Variants in CNTLN observed in about 807,000 individuals in gnomAD.
CNTLN encodes centlein.
A neutral mutation model predicts 180.0 loss-of-function variants in CNTLN; 212 were observed. That is an observed-to-expected ratio of 1.18 (90% CI 1.05 to 1.32). The LOEUF (loss-of-function observed/expected upper bound fraction) is 1.32. Ranked by LOEUF, CNTLN falls within the 40% of genes most tolerant of loss-of-function variation. The pLI is 0.00. For missense variants in CNTLN, 2,095 were observed against 1,610.9 expected, an observed-to-expected ratio of 1.30 and a Z score of -5.14; for synonymous variants, 722 against 563.1, an observed-to-expected ratio of 1.28 and a Z score of -3.99.
chr9:17,237,811 C>T (rs1039104336), intron 5 of CNTLN, among the ~76,000 whole-genome samples: 3 of 151,814 alleles, frequency 2.0e-5, no homozygotes, highest in African/African-American at 7.3e-5. Flanking sequence ...ACATCTTTCT[C>T]GGTGTATAAA....
At chr9:17,205,005 A>G (rs1822816537) in intron 2 of CNTLN, among the ~76,000 whole-genome samples, 1 of 152,154 alleles carries the variant, frequency 6.6e-6, no homozygotes, top group East Asian at 1.9e-4. Flanking sequence ...ACAGCCTAGG[A>G]AAGCCTCATT....
chr9:17,491,305 A>G (rs1385290416), intron 25 of CNTLN, among the ~76,000 whole-genome samples: 1 of 152,128 alleles, frequency 6.6e-6, no homozygotes. Context: ...AATAAAAGAG[A>G]TAAAAATTCA....
rs377136282 is a variant in CNTLN, at chr9:17,280,412, AT to A, written c.983+6555del. Among the ~76,000 whole-genome samples the A allele has an allele frequency of 2.3e-3, 349 of 151,206 alleles. 1 individual carries two copies. The highest frequency in any genetic ancestry group is 7.9e-3 in the African/African-American group (325 of 41,190). On this transcript the variant is annotated intron_variant, in intron 6 of 25. Coordinates refer to ENST00000380647, the MANE Select transcript of CNTLN (RefSeq NM_017738.4). ...ATTATGGATTTAAAGCTATGATGGC[AT>A]TTTTTTTTCTTTGTATCAATCCTTT...
intron 5 of CNTLN, among the ~76,000 whole-genome samples, chr9:17,261,070 G>C (rs1668427295): frequency 6.6e-6 from 1 of 151,320 alleles, no homozygotes; most frequent in South Asian, 2.1e-4. Flanking sequence ...TGCTATTTTG[G>C]TTACTGTAGC....
At chr9:17,354,216 C>T (rs1356602894) in intron 12 of CNTLN, among the ~76,000 whole-genome samples, 1 of 152,192 alleles carries the variant, frequency 6.6e-6, no homozygotes, top group African/African-American at 2.4e-5. Context: ...CTGAGCCTCC[C>T]ACCCACTCCA....
In CNTLN at chr9:17,475,820, C is replaced by G. The variant is rs372758651; in HGVS notation, c.3856-8475C>G. 4.3e-4 allele frequency among the ~76,000 whole-genome samples: 65 copies of G among 150,082 alleles called. No individual in the cohort carries two copies. In the East Asian group the frequency reaches 7.9e-3, roughly 18 times the overall value. ...CCCGGGAGGTGGAGCTTGCAGTGAG[C>G]CAAGATCGCGCCACTGCACTCCAGC... is the stretch of plus-strand genomic sequence containing the variant. On this transcript the variant is annotated intron_variant, in intron 23 of 25. Coordinates refer to ENST00000380647, the MANE Select transcript of CNTLN (RefSeq NM_017738.4).
chr9:17,197,429 A>C (rs1424178047), intron 2 of CNTLN, among the ~76,000 whole-genome samples: 1 of 152,024 alleles, frequency 6.6e-6, no homozygotes, highest in Non-Finnish European at 1.5e-5. Flanking sequence ...ATTATACTTT[A>C]AGTTCTAGGG....
intron 7 of CNTLN, among the ~76,000 whole-genome samples, chr9:17,302,849 A>G (rs1818466215): frequency 6.6e-6 from 1 of 152,248 alleles, no homozygotes; most frequent in South Asian, 2.1e-4. Flanking sequence ...AGTTATAAAG[A>G]CAGAATGTAA....
intron 24 of CNTLN, among the ~76,000 whole-genome samples, chr9:17,485,582 A>T (rs1485352995): frequency 6.6e-6 from 1 of 152,168 alleles, no homozygotes; most frequent in Non-Finnish European, 1.5e-5. Flanking sequence ...GCCTTATTAT[A>T]GGCATTTAAT....
At chr9:17,429,177 A>G (rs983554643) in intron 18 of CNTLN, among the ~76,000 whole-genome samples, 1 of 152,088 alleles carries the variant, frequency 6.6e-6, no homozygotes, top group Admixed American at 6.5e-5. Flanking sequence ...GTCAATAAAA[A>G]TATACATAAG....
intron 5 of CNTLN, among the ~76,000 whole-genome samples, chr9:17,245,569 G>A (rs574967467): frequency 1.3e-5 from 2 of 149,868 alleles, no homozygotes; most frequent in South Asian, 4.2e-4. Flanking sequence ...TTTTGTTCTT[G>A]GATATTGATA....
chr9:17,343,255 C>T (rs1266834328), intron 12 of CNTLN, among the ~76,000 whole-genome samples: 2 of 152,140 alleles, frequency 1.3e-5, no homozygotes, highest in African/African-American at 2.4e-5. Context: ...ATATAATTAA[C>T]CTCTTCTGCT....
chr9:17,212,701 G>T (rs1403997412), intron 2 of CNTLN, among the ~76,000 whole-genome samples: 1 of 152,102 alleles, frequency 6.6e-6, no homozygotes, highest in Non-Finnish European at 1.5e-5. Flanking sequence ...TTTTTGGTTG[G>T]TAGGCTATTA....
chr9:17,388,391 G>C (rs1463249162), intron 14 of CNTLN, 138 bp downstream of exon 14: 2 of 595,464 alleles, frequency 3.4e-6, no homozygotes, highest in Non-Finnish European at 2.9e-6. Context: ...AAAATCATTG[G>C]CTTGCCAAAA....
chr9:17,348,122 C>T (rs1025072018), intron 12 of CNTLN, among the ~76,000 whole-genome samples: 12 of 152,010 alleles, frequency 7.9e-5, no homozygotes, highest in African/African-American at 1.7e-4. Flanking sequence ...TGAGCCACTG[C>T]GCCCACCAAA....
At chr9:17,341,386 A>T (rs954124180) in intron 11 of CNTLN, among the ~76,000 whole-genome samples, 24 of 152,320 alleles carry the variant, frequency 1.6e-4, no homozygotes, top group African/African-American at 5.8e-4. Context: ...TAACTATCTT[A>T]AAACTACTTC....
chr9:17,484,213 T>C (rs1214919152), intron 23 of CNTLN, 82 bp from the exon 24 acceptor site: 8 of 1,067,832 alleles, frequency 7.5e-6, no homozygotes, highest in Non-Finnish European at 9.5e-6. Flanking sequence ...GATTTGTTAG[T>C]ATCTTCATAT....
intron 23 of CNTLN, among the ~76,000 whole-genome samples, chr9:17,479,956 G>C (rs1190209664): frequency 2.6e-5 from 4 of 152,118 alleles, no homozygotes; most frequent in Non-Finnish European, 5.9e-5. Context: ...TACCACAAGA[G>C]CCAGTTTTGG....
chr9:17,434,282 C>G (rs926444304), intron 18 of CNTLN, among the ~76,000 whole-genome samples: 2 of 151,162 alleles, frequency 1.3e-5, no homozygotes, highest in Admixed American at 1.3e-4. Context: ...TTTCTGCTTG[C>G]TTTGGGTTTA....
Sources: allele counts gnomAD v4.1 joint callset (sites outside exome capture counted in the v4.1 genomes callset), GRCh38; gene constraint gnomAD v4.1.1; transcripts MANE v1.5; gene names NCBI Gene and HGNC (gene_info 2026-07-23, HGNC 2026-07-21).